Variants in SGCZ observed in about 807,000 individuals in gnomAD.
The protein encoded by SGCZ is zeta-sarcoglycan.
A neutral mutation model predicts 41.3 loss-of-function variants in SGCZ; 40 were observed. The observed-to-expected ratio is 0.97, with a 90% CI of 0.75 to 1.26. The LOEUF is 1.26. Among genes scored for constraint, SGCZ ranks in the 50% most tolerant of loss-of-function variants. The probability of loss-of-function intolerance (pLI) is 0.00; values close to 1 mark genes in which losing one functional copy is unlikely to be tolerated. For synonymous variants in SGCZ, 206 were observed against 137.5 expected, an observed-to-expected ratio of 1.50 and a Z score of -3.49; for missense variants, 552 against 369.8, an observed-to-expected ratio of 1.49 and a Z score of -4.04.
At chr8:14,295,633 C>T (rs1288063223) in intron 3 of SGCZ, among the ~76,000 whole-genome samples, 1 of 152,046 alleles carries the variant, frequency 6.6e-6, no homozygotes, top group East Asian at 1.9e-4. Context: ...CATTTTTGGT[C>T]ATGGACAACA....
chr8:14,240,076 C>T (rs1798816169), intron 3 of SGCZ, among the ~76,000 whole-genome samples: 2 of 151,876 alleles, frequency 1.3e-5, no homozygotes, highest in Admixed American at 6.6e-5. Context: ...CCTGCAATCT[C>T]GGCAGTTTGG....
intron 6 of SGCZ, among the ~76,000 whole-genome samples, chr8:14,103,168 C>G (rs1429701147): frequency 6.6e-6 from 1 of 151,820 alleles, no homozygotes; most frequent in Non-Finnish European, 1.5e-5. Context: ...AGTACAAATG[C>G]GATTGAAGGT....
intron 1 of SGCZ, among the ~76,000 whole-genome samples, chr8:15,017,303 T>G (rs1304347206): frequency 6.6e-6 from 1 of 152,100 alleles, no homozygotes; most frequent in Non-Finnish European, 1.5e-5. Context: ...CCCAGGCAAA[T>G]AGTCAACAGA....
At chr8:15,099,311 G>GGGGCT (rs1241400830) in intron 1 of SGCZ, among the ~76,000 whole-genome samples, 2 of 152,084 alleles carry the variant, frequency 1.3e-5, no homozygotes, top group Non-Finnish European at 2.9e-5. Context: ...AAATAAACAA[G>GGGGCT]GGGCTGGGCC....
At chr8:14,774,405 C>G (rs1211903211) in intron 1 of SGCZ, among the ~76,000 whole-genome samples, 2 of 152,184 alleles carry the variant, frequency 1.3e-5, no homozygotes, top group East Asian at 3.9e-4. Flanking sequence ...AACAGGCTAT[C>G]ATCATGTAGA....
intron 2 of SGCZ, among the ~76,000 whole-genome samples, chr8:14,504,520 CTT>C (rs1313172269): frequency 6.6e-6 from 1 of 152,098 alleles, no homozygotes; most frequent in East Asian, 1.9e-4. Context: ...TTGTCATAGA[CTT>C]TTATTATCTA....
chr8:15,162,225 C>T lies in SGCZ; in HGVS notation c.39+75360G>A, dbSNP rs370301386. 2.6e-3 allele frequency among the ~76,000 whole-genome samples: 389 copies of T among 152,150 alleles called. 1 individual carries two copies. Among genetic ancestry groups the T allele is most frequent in the Middle Eastern group, 0.017 (5 of 294 alleles). On this transcript the variant is annotated intron_variant, in intron 1 of 7. Coordinates refer to ENST00000382080, the MANE Select transcript of SGCZ (RefSeq NM_139167.4). ...AAGTGGACAAATAACTCAAGACATACCCATACCATAGCTTTTGCATTAATC... is the reference window on the plus strand; with the variant it reads ...AAGTGGACAAATAACTCAAGACATATCCATACCATAGCTTTTGCATTAATC...
intron 3 of SGCZ, among the ~76,000 whole-genome samples, chr8:14,295,504 T>G (rs996784127): frequency 6.6e-6 from 1 of 152,184 alleles, no homozygotes; most frequent in Non-Finnish European, 1.5e-5. Context: ...TAATTTCATA[T>G]AGTAAGAAAT....
At chr8:14,433,007 G>GA (rs898450883) in intron 2 of SGCZ, among the ~76,000 whole-genome samples, 34 of 125,574 alleles carry the variant, frequency 2.7e-4, no homozygotes, top group South Asian at 9.9e-4. Context: ...CAAAACTAAA[G>GA]AAAAAAAACA....
chr8:14,426,013 T>C (rs1799772920), intron 2 of SGCZ, among the ~76,000 whole-genome samples: 1 of 152,200 alleles, frequency 6.6e-6, no homozygotes, highest in African/African-American at 2.4e-5. Flanking sequence ...TTAATTAACA[T>C]TAATTGCAAT....
intron 2 of SGCZ, among the ~76,000 whole-genome samples, chr8:14,355,619 C>T (rs542394340): frequency 5.1e-4 from 77 of 151,866 alleles, no homozygotes; most frequent in Non-Finnish European, 6.6e-4. Flanking sequence ...CGAGATAAAT[C>T]AAAGATCTTT....
intron 1 of SGCZ, among the ~76,000 whole-genome samples, chr8:14,586,309 G>T (rs915723444): frequency 6.6e-6 from 1 of 152,006 alleles, no homozygotes; most frequent in Non-Finnish European, 1.5e-5. Context: ...TACCTCCTGG[G>T]CTCAAGTGAT....
intron 1 of SGCZ, among the ~76,000 whole-genome samples, chr8:14,688,354 C>T (rs1412877449): frequency 6.6e-6 from 1 of 152,082 alleles, no homozygotes; most frequent in East Asian, 1.9e-4. Context: ...TTTAATCCAT[C>T]TTGAATTAAT....
chr8:15,050,138 A>G (rs577297600), intron 1 of SGCZ, among the ~76,000 whole-genome samples: 1 of 152,280 alleles, frequency 6.6e-6, no homozygotes, highest in African/African-American at 2.4e-5. Context: ...TTACACGTAC[A>G]GTCTGTGTGG....
At chr8:14,940,030 A>C (rs750805245) in intron 1 of SGCZ, among the ~76,000 whole-genome samples, 2 of 152,154 alleles carry the variant, frequency 1.3e-5, no homozygotes, top group Non-Finnish European at 2.9e-5. Context: ...GTGACTGTTT[A>C]CAAGTTTTGT....
chr8:14,220,286 A>G (rs778427986), intron 4 of SGCZ, among the ~76,000 whole-genome samples: 21 of 152,206 alleles, frequency 1.4e-4, no homozygotes, highest in Non-Finnish European at 2.9e-5. Context: ...GTAATGAACT[A>G]TGCAAAATCA....
intron 5 of SGCZ, among the ~76,000 whole-genome samples, chr8:14,143,670 C>G (rs1430600875): frequency 1.3e-5 from 2 of 152,046 alleles, no homozygotes; most frequent in African/African-American, 4.8e-5. Flanking sequence ...TCATAAGAAC[C>G]AAAAATCATA....
At position 14,090,406 on chromosome 8, in the gene SGCZ, C is replaced by A; in HGVS notation, c.*37G>T. On this transcript the variant is annotated 3_prime_UTR_variant, in exon 8 of 8. Coordinates refer to ENST00000382080, the MANE Select transcript of SGCZ (RefSeq NM_139167.4). ...GAACTGTGAAGCAGACGGACAGGAA[C>A]AAAAGGCTATTCTGGTGTGAGGAGA... 3 of 1,591,560 alleles carry A rather than the reference C, an allele frequency of 1.9e-6. No homozygotes were observed. Among genetic ancestry groups the A allele is most frequent in the Non-Finnish European group, 2.6e-6 (3 of 1,168,448 alleles).
At chr8:15,105,859 T>C (rs970444961) in intron 1 of SGCZ, among the ~76,000 whole-genome samples, 5 of 152,180 alleles carry the variant, frequency 3.3e-5, no homozygotes, top group African/African-American at 1.2e-4. Flanking sequence ...CCAGTTTAGT[T>C]TGCAGTAGGA....
Sources: allele counts gnomAD v4.1 joint callset (sites outside exome capture counted in the v4.1 genomes callset), GRCh38; gene constraint gnomAD v4.1.1; transcripts MANE v1.5; gene names NCBI Gene and HGNC (gene_info 2026-07-23, HGNC 2026-07-21).